The following SLCO2A1 variants were observed in gnomAD, a reference collection of about 807,000 sequenced individuals.
The protein encoded by SLCO2A1 is solute carrier organic anion transporter family member 2A1, also known as matrin F/G 1.
In SLCO2A1, 60 loss-of-function variants were observed where a neutral mutation model predicts 71.7. The ratio of observed to expected loss-of-function variants is 0.84; its 90% CI spans 0.68 to 1.04. The LOEUF is 1.04. Among genes scored for constraint, SLCO2A1 ranks in the 50% least tolerant of loss-of-function variants. The pLI is 0.00. For synonymous variants in SLCO2A1, 308 were observed against 326.7 expected, an observed-to-expected ratio of 0.94 and a Z score of 0.62; for missense variants, 745 against 813.4, an observed-to-expected ratio of 0.92 and a Z score of 1.02.
chr3:134,011,608 C>T (rs1437448978), intron 1 of SLCO2A1, among the ~76,000 whole-genome samples: 3 of 152,176 alleles, frequency 2.0e-5, no homozygotes, highest in African/African-American at 4.8e-5. Flanking sequence ...TTGGACCTGC[C>T]ACATACCACC....
chr3:134,020,370 G>A (rs1013736478), intron 1 of SLCO2A1, among the ~76,000 whole-genome samples: 2 of 152,190 alleles, frequency 1.3e-5, no homozygotes, highest in Admixed American at 6.5e-5. Flanking sequence ...CGAGGTGATT[G>A]GCGGATGGTC....
chr3:133,950,010 T>G (rs1933698073), intron 6 of SLCO2A1, among the ~76,000 whole-genome samples: 1 of 152,004 alleles, frequency 6.6e-6, no homozygotes, highest in Non-Finnish European at 1.5e-5. Context: ...TAAAATAATT[T>G]TTTTTTTAGA....
chr3:133,969,273 A>T (rs941655304), intron 3 of SLCO2A1, among the ~76,000 whole-genome samples: 1 of 152,198 alleles, frequency 6.6e-6, no homozygotes, highest in South Asian at 2.1e-4. Flanking sequence ...CTACTAAAAT[A>T]CAAAAAATCA....
intron 3 of SLCO2A1, among the ~76,000 whole-genome samples, chr3:133,960,856 G>A (rs942603177): frequency 6.6e-6 from 1 of 152,118 alleles, no homozygotes; most frequent in Non-Finnish European, 1.5e-5. Context: ...AGTGGCCTCT[G>A]AACTGAGAAG....
intron 1 of SLCO2A1, among the ~76,000 whole-genome samples, chr3:133,994,190 T>G (rs1934911594): frequency 6.6e-6 from 1 of 152,234 alleles, no homozygotes; most frequent in Admixed American, 6.5e-5. Context: ...TGAGATATAA[T>G]AAATGTTTAA....
At chr3:133,991,195 G>A (rs1934836107) in intron 1 of SLCO2A1, among the ~76,000 whole-genome samples, 1 of 152,178 alleles carries the variant, frequency 6.6e-6, no homozygotes. Context: ...CTCCTCTGAG[G>A]TGCATCTGAA....
chr3:133,959,198 A>G (rs1933971138), intron 3 of SLCO2A1, among the ~76,000 whole-genome samples: 1 of 152,044 alleles, frequency 6.6e-6, no homozygotes, highest in South Asian at 2.1e-4. Context: ...TCGCTCAGTT[A>G]TTTGGTTGAT....
intron 1 of SLCO2A1, chr3:133,998,547 G>C (rs1935030678): frequency 6.6e-6 from 1 of 152,296 alleles, no homozygotes; most frequent in Non-Finnish European, 1.5e-5. Context: ...TGTCCCATGA[G>C]CATCTTCCTC....
intron 11 of SLCO2A1, 112 bp from the exon 12 acceptor site, chr3:133,938,605 C>G (rs548664381): frequency 2.6e-5 from 25 of 948,706 alleles, no homozygotes; most frequent in South Asian, 9.4e-5. Flanking sequence ...TGTGGCCTGA[C>G]GAGCCCTCTG....
chr3:133,959,854 C>T (rs1300343656), intron 3 of SLCO2A1, among the ~76,000 whole-genome samples: 2 of 151,970 alleles, frequency 1.3e-5, no homozygotes, highest in Non-Finnish European at 2.9e-5. Context: ...GGTGCGGTGG[C>T]TCATACCTGT....
intron 2 of SLCO2A1, 33 bp downstream of exon 2, chr3:133,979,448 G>A (rs1333478028): frequency 6.8e-5 from 109 of 1,613,916 alleles, no homozygotes; most frequent in Non-Finnish European, 9.1e-5. Context: ...TGGTGCACAA[G>A]TGGAGTCTGA....
intron 8 of SLCO2A1, among the ~76,000 whole-genome samples, 183 bp downstream of exon 8, chr3:133,948,353 G>C (rs1933641344): frequency 6.6e-6 from 1 of 152,180 alleles, no homozygotes; most frequent in African/African-American, 2.4e-5. Context: ...TCAGAAATCT[G>C]CCAAGAACTT....
At chr3:134,020,907 T>A (rs916890349) in intron 1 of SLCO2A1, among the ~76,000 whole-genome samples, 6 of 151,534 alleles carry the variant, frequency 4.0e-5, no homozygotes, top group African/African-American at 1.2e-4. Flanking sequence ...GGTGTGCCTT[T>A]ATCGGCACTT....
intron 1 of SLCO2A1, among the ~76,000 whole-genome samples, chr3:134,015,082 G>A (rs148617111): frequency 1.3e-5 from 2 of 152,068 alleles, no homozygotes; most frequent in Non-Finnish European, 2.9e-5. Flanking sequence ...ATAAAATTTG[G>A]TATCCATAAG....
rs1452084381 is a variant in SLCO2A1, at chr3:133,949,856, C to T, written c.862-885G>A. On this transcript the variant is annotated intron_variant, in intron 6 of 13. Transcript: ENST00000310926. The stretch of plus-strand genomic sequence containing the variant: ...ATTTTTATTTTTTTAGAGACAGGGT[C>T]TCACTCTGTCACCCAAGCTGGTGTG... Among the ~76,000 whole-genome samples the T allele has an allele frequency of 2.0e-5, 3 of 152,128 alleles. No individual in the cohort carries two copies. In the East Asian group the frequency reaches 5.8e-4, roughly 29 times the overall value.
chr3:133,960,626 G>A (rs1478532661), intron 3 of SLCO2A1, among the ~76,000 whole-genome samples: 2 of 152,188 alleles, frequency 1.3e-5, no homozygotes, highest in Admixed American at 6.5e-5. Flanking sequence ...AGGTGTGGAT[G>A]ATGATGATGG....
In SLCO2A1 at chr3:134,019,853, T is replaced by C. The variant is rs139650349; in HGVS notation, c.96+9854A>G. ...CCTAGACAAATGACAGACCCTCTGG[T>C]TGAGTTTCCGCTGTTCCCACTAAGG... On this transcript the variant is annotated intron_variant, in intron 1 of 13. Coordinates refer to ENST00000310926, the MANE Select transcript of SLCO2A1 (RefSeq NM_005630.3). Among the ~76,000 whole-genome samples, 227 of 152,252 alleles carry C rather than the reference T, an allele frequency of 1.5e-3. 1 individual carries two copies. Among genetic ancestry groups the C allele is most frequent in the African/African-American group, 5.2e-3 (217 of 41,554 alleles).
chr3:133,970,622 T>C (rs1934301587), intron 3 of SLCO2A1, among the ~76,000 whole-genome samples: 1 of 152,244 alleles, frequency 6.6e-6, no homozygotes, highest in Non-Finnish European at 1.5e-5. Flanking sequence ...TGGATGAGGT[T>C]CCTGGGCCAA....
At chr3:134,003,415 G>A (rs185403772) in intron 1 of SLCO2A1, among the ~76,000 whole-genome samples, 2 of 152,318 alleles carry the variant, frequency 1.3e-5, no homozygotes, top group East Asian at 3.9e-4. Context: ...CTGGGCGTCT[G>A]ATCTTTATGG....
Sources: allele counts gnomAD v4.1 joint callset (sites outside exome capture counted in the v4.1 genomes callset), GRCh38; gene constraint gnomAD v4.1.1; transcripts MANE v1.5; gene names NCBI Gene and HGNC (gene_info 2026-07-23, HGNC 2026-07-21).